Variants in PHACTR1 observed in about 807,000 individuals in gnomAD.
The protein encoded by PHACTR1 is phosphatase and actin regulator 1.
In PHACTR1, 16 loss-of-function variants were observed where a neutral mutation model predicts 69.2. That is an observed-to-expected ratio of 0.23 (90% CI 0.16 to 0.35). The LOEUF (loss-of-function observed/expected upper bound fraction) is 0.35. PHACTR1 is among the 10% of genes least tolerant of loss of function. PHACTR1 has a pLI of 1.00. For missense variants in PHACTR1, 510 were observed against 734.7 expected (o/e 0.69, Z 3.54); for synonymous variants, 312 against 284.5 (o/e 1.10, Z -0.97).
rs58764374 is a variant in PHACTR1 at position 12,858,850 on chromosome 6, G to A, written c.250+109060G>A. On this transcript the variant is annotated intron_variant, in intron 4 of 14. Transcript: ENST00000332995. ...CACCACACACACACACACACAAAGT[G>A]CAGCTATCAAAACATCAACTATTCA... Among the ~76,000 whole-genome samples, 401 of 151,756 alleles carry A rather than the reference G, an allele frequency of 2.6e-3. 3 individuals carry two copies. The highest frequency in any genetic ancestry group is 9.4e-3 in the African/African-American group (387 of 41,334).
intron 4 of PHACTR1, among the ~76,000 whole-genome samples, chr6:12,880,315 C>T (rs1439139239): frequency 6.6e-6 from 1 of 150,442 alleles, no homozygotes; most frequent in Non-Finnish European, 1.5e-5. Flanking sequence ...CAGCCTTGAC[C>T]TTCCTGGCTC....
chr6:12,722,887 T>A (rs1260178162), intron 3 of PHACTR1, among the ~76,000 whole-genome samples: 1 of 152,164 alleles, frequency 6.6e-6, no homozygotes, highest in Non-Finnish European at 1.5e-5. Context: ...GAAGTCCCCT[T>A]TAACTGAAAA....
intron 4 of PHACTR1, among the ~76,000 whole-genome samples, chr6:12,939,559 A>G (rs975115656): frequency 7.9e-5 from 12 of 152,228 alleles, no homozygotes; most frequent in African/African-American, 2.7e-4. Context: ...CGCATAGCTC[A>G]TACTAATTGG....
At chr6:12,855,535 C>T (rs998437407) in intron 4 of PHACTR1, among the ~76,000 whole-genome samples, 10 of 152,146 alleles carry the variant, frequency 6.6e-5, no homozygotes, top group African/African-American at 1.9e-4. Context: ...AGCGAATTAA[C>T]ACAGAAACAG....
At chr6:12,761,959 T>C (rs1768070736) in intron 4 of PHACTR1, among the ~76,000 whole-genome samples, 1 of 152,190 alleles carries the variant, frequency 6.6e-6, no homozygotes. Context: ...CTTCCAGACC[T>C]CGCGCCACGC....
chr6:12,866,923 C>T (rs1248366139), intron 4 of PHACTR1, among the ~76,000 whole-genome samples: 3 of 152,094 alleles, frequency 2.0e-5, no homozygotes, highest in East Asian at 3.9e-4. Flanking sequence ...GATTTCAGGG[C>T]TACAATGCCA....
chr6:12,933,666 G>C (rs1187225154), intron 4 of PHACTR1: 1 of 1,612,792 alleles, frequency 6.2e-7, no homozygotes, highest in Non-Finnish European at 8.5e-7. Context: ...GATGAAGCAA[G>C]AATGGGACCA....
intron 11 of PHACTR1, chr6:13,274,427 C>T (rs1451306096): frequency 6.6e-6 from 1 of 152,178 alleles, no homozygotes; most frequent in Non-Finnish European, 1.5e-5. Flanking sequence ...TTCCTTTCGG[C>T]CCCAATCTGG....
chr6:12,804,938 GTATAC>G (rs1034167255), intron 4 of PHACTR1, among the ~76,000 whole-genome samples: 3 of 152,086 alleles, frequency 2.0e-5, no homozygotes, highest in African/African-American at 7.2e-5. Flanking sequence ...TCAAAAAATT[GTATAC>G]TAGTGATTAC....
chr6:12,926,087 T>C (rs150839995), intron 4 of PHACTR1, among the ~76,000 whole-genome samples: 245 of 152,308 alleles, frequency 1.6e-3, no homozygotes, highest in Non-Finnish European at 3.0e-3. Flanking sequence ...TGAAGCTTCT[T>C]TGGTTATGTC....
chr6:13,199,800 A>G, intron 7 of PHACTR1, among the ~76,000 whole-genome samples: 1 of 152,032 alleles, frequency 6.6e-6, no homozygotes, highest in East Asian at 1.9e-4. Flanking sequence ...AAATTCACCC[A>G]CAAGGATATA....
rs113476316 is a variant in PHACTR1 at position 13,085,827 on chromosome 6, AACTG to A, written c.415+32304_415+32307del. Among the ~76,000 whole-genome samples, 563 of 152,148 alleles carry A rather than the reference AACTG, an allele frequency of 3.7e-3. 5 individuals are homozygous for A. Among genetic ancestry groups the A allele is most frequent in the African/African-American group, 0.013 (524 of 41,546 alleles). On this transcript the variant is annotated intron_variant, in intron 5 of 14. Transcript: ENST00000332995. ...CATTCAGCATTAAACGAATACTTAG[AACTG>A]ACTGAGAATAAATATATTATGTGTC...
intron 10 of PHACTR1, among the ~76,000 whole-genome samples, chr6:13,265,633 T>C (rs778862814): frequency 1.3e-5 from 2 of 152,178 alleles, no homozygotes; most frequent in African/African-American, 2.4e-5. Flanking sequence ...TATTGGAACA[T>C]CCCCTGGGTT....
chr6:12,782,000 A>C (rs1037323083), intron 4 of PHACTR1, among the ~76,000 whole-genome samples: 33 of 152,304 alleles, frequency 2.2e-4, no homozygotes, highest in Non-Finnish European at 4.0e-4. Context: ...TGCCCATGGC[A>C]GTGGAATTGT....
chr6:13,185,122 G>A, intron 7 of PHACTR1: 1 of 759,070 alleles, frequency 1.3e-6, no homozygotes, highest in Non-Finnish European at 1.8e-6. Flanking sequence ...TTGCCCTGTG[G>A]GATGTTTGGG....
chr6:12,954,735 AT>A (rs1791675801), intron 4 of PHACTR1, among the ~76,000 whole-genome samples: 2 of 152,246 alleles, frequency 1.3e-5, no homozygotes, highest in South Asian at 4.1e-4. Context: ...TTCCAGGCTT[AT>A]TTGATGTTTT....
intron 6 of PHACTR1, among the ~76,000 whole-genome samples, chr6:13,167,608 TAAG>T (rs1318468464): frequency 3.3e-5 from 5 of 152,056 alleles, no homozygotes; most frequent in African/African-American, 9.7e-5. Context: ...GGAAAAGAGA[TAAG>T]GAGGGCATGT....
intron 4 of PHACTR1, among the ~76,000 whole-genome samples, chr6:13,046,959 C>T (rs1166087888): frequency 6.6e-6 from 1 of 152,122 alleles, no homozygotes; most frequent in East Asian, 1.9e-4. Context: ...TCCTCATATG[C>T]CTGATAATTC....
chr6:12,880,635 T>C (rs1021848308), intron 4 of PHACTR1, among the ~76,000 whole-genome samples: 4 of 152,118 alleles, frequency 2.6e-5, no homozygotes, highest in African/African-American at 7.2e-5. Flanking sequence ...ATAAAGGAAA[T>C]TTATGCATAA....
Sources: gnomAD v4.1 joint callset for allele counts (sites outside exome capture counted in the v4.1 genomes callset) on GRCh38, gnomAD v4.1.1 for gene constraint, MANE v1.5 for transcripts, NCBI Gene and HGNC (gene_info 2026-07-23, HGNC 2026-07-21) for gene names.